The following KCNH7 variants were observed in gnomAD, a reference collection of about 807,000 sequenced individuals.
The protein encoded by KCNH7 is potassium voltage-gated channel subfamily H member 7.
Under a neutral mutation model 120.8 loss-of-function variants are expected in KCNH7, and 49 were observed. That is an observed-to-expected ratio of 0.41 (90% CI 0.32 to 0.51). The LOEUF (loss-of-function observed/expected upper bound fraction) is 0.51, where lower values mean the gene tolerates loss of function less well. Ranked by LOEUF, KCNH7 falls within the 20% of genes least tolerant of loss-of-function variation. The pLI, the probability that KCNH7 is intolerant of heterozygous loss-of-function variation, is 0.38. For missense variants in KCNH7, 1,097 were observed against 1,446.6 expected (o/e 0.76, Z 3.92); for synonymous variants, 547 against 516.1 (o/e 1.06, Z -0.81).
At chr2:162,662,119 C>T (rs182089663) in intron 2 of KCNH7, among the ~76,000 whole-genome samples, 26 of 151,982 alleles carry the variant, frequency 1.7e-4, no homozygotes, top group East Asian at 7.8e-4. Flanking sequence ...AAAAATTAGC[C>T]GGGCATGGTG....
At chr2:162,561,857 T>C (rs1341558417) in intron 2 of KCNH7, among the ~76,000 whole-genome samples, 1 of 152,206 alleles carries the variant, frequency 6.6e-6, no homozygotes, top group African/African-American at 2.4e-5. Context: ...GTGGCATATA[T>C]ACACCATGGA....
chr2:162,373,985 T>C (rs1314407913), intron 14 of KCNH7, among the ~76,000 whole-genome samples: 1 of 152,202 alleles, frequency 6.6e-6, no homozygotes, highest in Non-Finnish European at 1.5e-5. Context: ...TCAGTAATTG[T>C]CTTTGCTTTT....
rs111748690 is a variant in KCNH7, at chr2:162,536,673, C to T, written c.463+252G>A. On this transcript the variant is annotated intron_variant, in intron 3 of 15. Transcript: ENST00000332142. The stretch of plus-strand genomic sequence containing the variant: ...TGTAACAGACAAAGTTTGAAAACAA[C>T]CTAAATGTCCATCAGGTGTCAGGGG... 7.9e-5 allele frequency among the ~76,000 whole-genome samples: 12 copies of T among 152,056 alleles called. 1 individual carries two copies. The highest frequency in any genetic ancestry group is 2.6e-4 in the African/African-American group (11 of 41,522).
chr2:162,669,661 A>G (rs1319264389), intron 2 of KCNH7, among the ~76,000 whole-genome samples: 2 of 152,160 alleles, frequency 1.3e-5, no homozygotes, highest in East Asian at 3.9e-4. Flanking sequence ...AACATTTCTG[A>G]TCATAATAAC....
At chr2:162,606,673 G>C (rs1044729923) in intron 2 of KCNH7, among the ~76,000 whole-genome samples, 4 of 152,100 alleles carry the variant, frequency 2.6e-5, no homozygotes, top group African/African-American at 4.8e-5. Flanking sequence ...CTACCAGGAT[G>C]AGCAAGATAA....
intron 2 of KCNH7, among the ~76,000 whole-genome samples, chr2:162,744,363 T>C (rs2105416503): frequency 6.6e-6 from 1 of 152,282 alleles, no homozygotes; most frequent in East Asian, 1.9e-4. Flanking sequence ...CAATAAAACC[T>C]TTTAAGATTA....
intron 2 of KCNH7, among the ~76,000 whole-genome samples, chr2:162,778,946 CTTTT>C (rs200107249): frequency 7.3e-6 from 1 of 136,488 alleles, no homozygotes; most frequent in Non-Finnish European, 1.6e-5. Flanking sequence ...GGAACAAATT[CTTTT>C]TTTTTTTTTT....
chr2:162,516,584 G>T (rs1574053208), intron 4 of KCNH7, among the ~76,000 whole-genome samples: 3 of 151,862 alleles, frequency 2.0e-5, no homozygotes, highest in South Asian at 4.1e-4. Flanking sequence ...CTCACATTAA[G>T]AATTAATGTT....
chr2:162,786,331 C>T (rs1379198835), intron 2 of KCNH7, among the ~76,000 whole-genome samples: 1 of 151,576 alleles, frequency 6.6e-6, no homozygotes, highest in East Asian at 1.9e-4. Context: ...TGAGCTTGAC[C>T]TATGTCAACC....
At chr2:162,437,080 C>T (rs1688265727) in intron 7 of KCNH7, among the ~76,000 whole-genome samples, 1 of 152,150 alleles carries the variant, frequency 6.6e-6, no homozygotes, top group African/African-American at 2.4e-5. Flanking sequence ...ATTATTGTGC[C>T]ACTGCACTCA....
intron 2 of KCNH7, among the ~76,000 whole-genome samples, chr2:162,697,469 AT>A (rs1686334203): frequency 6.6e-6 from 1 of 152,150 alleles, no homozygotes; most frequent in Non-Finnish European, 1.5e-5. Context: ...TAAATAAACT[AT>A]GGTGTCTAAG....
intron 2 of KCNH7, among the ~76,000 whole-genome samples, chr2:162,649,339 A>T (rs191766201): frequency 1.4e-3 from 214 of 152,332 alleles, no homozygotes; most frequent in African/African-American, 4.7e-3. Flanking sequence ...AACTCTACAC[A>T]AATGGTAAAT....
At chr2:162,694,480 G>C (rs1686220708) in intron 2 of KCNH7, among the ~76,000 whole-genome samples, 1 of 136,270 alleles carries the variant, frequency 7.3e-6, no homozygotes, top group Admixed American at 7.2e-5. Flanking sequence ...GTGAAAGAGT[G>C]TGTGTGTGTG....
chr2:162,395,732 T>G (rs1473062989), intron 11 of KCNH7, among the ~76,000 whole-genome samples: 2 of 151,786 alleles, frequency 1.3e-5, no homozygotes, highest in African/African-American at 4.8e-5. Context: ...AAGAAATAAT[T>G]ATCTGAACTG....
chr2:162,566,761 A>G (rs1269976468), intron 2 of KCNH7, among the ~76,000 whole-genome samples: 1 of 152,022 alleles, frequency 6.6e-6, no homozygotes, highest in Non-Finnish European at 1.5e-5. Context: ...TCAGGTAGAG[A>G]TCAAGATTTG....
chr2:162,569,436 C>T (rs1176432304), intron 2 of KCNH7, among the ~76,000 whole-genome samples: 2 of 147,000 alleles, frequency 1.4e-5, no homozygotes, highest in African/African-American at 5.1e-5. Context: ...CTTTATTAGT[C>T]TTGCTAGCGG....
chr2:162,700,623 C>T (rs1035218667), intron 2 of KCNH7, among the ~76,000 whole-genome samples: 1 of 152,154 alleles, frequency 6.6e-6, no homozygotes. Flanking sequence ...AAATCCATTA[C>T]TTCATGACTG....
intron 2 of KCNH7, among the ~76,000 whole-genome samples, chr2:162,643,804 C>CAAAAA (rs781089376): frequency 5.5e-5 from 5 of 90,398 alleles, no homozygotes; most frequent in South Asian, 3.4e-4. Context: ...GACTCTATCT[C>CAAAAA]AAAAAAAAAA....
intron 5 of KCNH7, among the ~76,000 whole-genome samples, chr2:162,509,837 T>C (rs1303733031): frequency 6.6e-6 from 1 of 151,592 alleles, no homozygotes. Flanking sequence ...TTCAGAGTCA[T>C]ATGACAGATT....
Sources: allele counts gnomAD v4.1 joint callset (sites outside exome capture counted in the v4.1 genomes callset), GRCh38; gene constraint gnomAD v4.1.1; transcripts MANE v1.5; gene names NCBI Gene and HGNC (gene_info 2026-07-23, HGNC 2026-07-21).